The following KIAA1217 variants were observed in gnomAD, a reference collection of about 807,000 sequenced individuals.
KIAA1217 encodes KIAA1217, also known as sickle tail protein homolog.
Under a neutral mutation model 163.9 loss-of-function variants are expected in KIAA1217, and 88 were observed. That is an observed-to-expected ratio of 0.54 (90% confidence interval 0.45 to 0.64). The LOEUF (loss-of-function observed/expected upper bound fraction) is 0.64, where lower values mean the gene tolerates loss of function less well. KIAA1217 is among the 30% of genes least tolerant of loss of function. The probability of loss-of-function intolerance (pLI) is 0.00; values close to 1 mark genes in which losing one functional copy is unlikely to be tolerated. For missense variants in KIAA1217, 2,372 were observed against 2,475.0 expected (o/e 0.96, Z 0.88); for synonymous variants, 903 against 923.1 (o/e 0.98, Z 0.39).
intron 2 of KIAA1217, among the ~76,000 whole-genome samples, chr10:24,081,927 C>G (rs2061551173): frequency 2.0e-5 from 3 of 152,016 alleles, no homozygotes; most frequent in Admixed American, 2.0e-4. Context: ...TGCACCCTTA[C>G]CCACCTGGCC....
intron 2 of KIAA1217, among the ~76,000 whole-genome samples, chr10:24,305,284 A>G (rs2041883175): frequency 6.6e-6 from 1 of 152,170 alleles, no homozygotes; most frequent in Non-Finnish European, 1.5e-5. Flanking sequence ...AGATGACTTT[A>G]TTTGGAGAGC....
chr10:23,817,593 T>C (rs1837366585), intron 1 of KIAA1217, among the ~76,000 whole-genome samples: 1 of 152,066 alleles, frequency 6.6e-6, no homozygotes, highest in Non-Finnish European at 1.5e-5. Flanking sequence ...TTTATAACTA[T>C]GAAGAAGACA....
At chr10:23,857,909 A>G (rs1839773528) in intron 1 of KIAA1217, among the ~76,000 whole-genome samples, 1 of 151,978 alleles carries the variant, frequency 6.6e-6, no homozygotes, top group Non-Finnish European at 1.5e-5. Context: ...TGAAAATGCC[A>G]TTTTATTAAG....
At chr10:23,883,150 C>T (rs775632230) in intron 1 of KIAA1217, among the ~76,000 whole-genome samples, 1 of 151,792 alleles carries the variant, frequency 6.6e-6, no homozygotes, top group African/African-American at 2.4e-5. Context: ...CAAATAATAC[C>T]GTGCTTTACT....
chr10:23,986,523 G>T (rs1845977929), intron 1 of KIAA1217, among the ~76,000 whole-genome samples: 1 of 152,014 alleles, frequency 6.6e-6, no homozygotes, highest in African/African-American at 2.4e-5. Context: ...TATGTAAATA[G>T]TTATTACACT....
chr10:24,209,695 CAA>C (rs1404661322), intron 1 of KIAA1217, among the ~76,000 whole-genome samples: 2 of 152,138 alleles, frequency 1.3e-5, no homozygotes, highest in Non-Finnish European at 2.9e-5. Flanking sequence ...ATGCTGGCTG[CAA>C]AGTTTGTGCA....
intron 1 of KIAA1217, among the ~76,000 whole-genome samples, chr10:23,989,626 G>A (rs10828583): frequency 0.29 from 43,793 of 151,936 alleles, 6,314 homozygotes; most frequent in Admixed American, 0.33. Context: ...TAAAATACTC[G>A]ATATTCCAAG....
At chr10:23,835,393 G>A (rs1016221774) in intron 1 of KIAA1217, among the ~76,000 whole-genome samples, 2 of 152,116 alleles carry the variant, frequency 1.3e-5, no homozygotes, top group Middle Eastern at 3.4e-3. Flanking sequence ...TGAGAAGGGG[G>A]AACCCTCCTC....
At chr10:23,957,716 C>T (rs570731525) in intron 1 of KIAA1217, among the ~76,000 whole-genome samples, 59 of 152,214 alleles carry the variant, frequency 3.9e-4, no homozygotes, top group Admixed American at 1.9e-3. Flanking sequence ...ACTGAGACTC[C>T]ATCTTGGAAA....
intron 1 of KIAA1217, among the ~76,000 whole-genome samples, chr10:23,966,593 G>A (rs1845077961): frequency 6.6e-6 from 1 of 152,194 alleles, no homozygotes; most frequent in African/African-American, 2.4e-5. Flanking sequence ...GATGTATGAA[G>A]CTTGAGAATA....
chr10:24,309,283 TG>T (rs2042373792), intron 2 of KIAA1217, among the ~76,000 whole-genome samples: 1 of 151,438 alleles, frequency 6.6e-6, no homozygotes, highest in Non-Finnish European at 1.5e-5. Context: ...GGTATGAGGA[TG>T]GGGTCTTTCA....
chr10:24,329,761 C>T (rs2045418574), intron 2 of KIAA1217, among the ~76,000 whole-genome samples: 2 of 152,132 alleles, frequency 1.3e-5, no homozygotes, highest in African/African-American at 4.8e-5. Context: ...GAGTAGTTAT[C>T]ATTGGTTCTT....
chr10:24,415,012 A>G (rs1486850979), intron 3 of KIAA1217, among the ~76,000 whole-genome samples: 1 of 152,030 alleles, frequency 6.6e-6, no homozygotes, highest in Non-Finnish European at 1.5e-5. Flanking sequence ...TTGGAGATTT[A>G]AGTCATGGGA....
intron 2 of KIAA1217, among the ~76,000 whole-genome samples, chr10:24,200,591 C>G (rs535142192): frequency 1.3e-5 from 2 of 152,340 alleles, no homozygotes; most frequent in East Asian, 3.9e-4. Context: ...GTTTCAGCAC[C>G]AGGCCACACC....
chr10:24,007,346 C>T (rs776411180), exon 2 of KIAA1217: 2 of 152,140 alleles, frequency 1.3e-5, no homozygotes, highest in Non-Finnish European at 2.9e-5. Context: ...TCCATGGAGT[C>T]TTCCTCCTCC....
intron 2 of KIAA1217, among the ~76,000 whole-genome samples, chr10:24,054,955 G>T (rs756162160): frequency 2.0e-4 from 30 of 152,140 alleles, no homozygotes; most frequent in Non-Finnish European, 4.1e-4. Context: ...TGCAGCACAT[G>T]ACTATACTCC....
intron 1 of KIAA1217, among the ~76,000 whole-genome samples, chr10:23,852,564 A>G (rs548916621): frequency 1.3e-5 from 2 of 152,330 alleles, no homozygotes; most frequent in East Asian, 3.9e-4. Context: ...AGCCATTGGT[A>G]GCTTGATGGG....
At chr10:24,106,006 A>C (rs1352828464) in intron 2 of KIAA1217, among the ~76,000 whole-genome samples, 1 of 151,168 alleles carries the variant, frequency 6.6e-6, no homozygotes, top group African/African-American at 2.5e-5. Flanking sequence ...GTTGGAGACC[A>C]ATTCTAAGCA....
intron 2 of KIAA1217, among the ~76,000 whole-genome samples, chr10:24,223,264 A>T (rs1438106319): frequency 1.3e-5 from 2 of 152,146 alleles, no homozygotes; most frequent in Non-Finnish European, 2.9e-5. Context: ...CGCCCCTAAC[A>T]CTGTCATTGC....
Sources: allele counts gnomAD v4.1 joint callset (sites outside exome capture counted in the v4.1 genomes callset), GRCh38; gene constraint gnomAD v4.1.1; transcripts MANE v1.5; gene names NCBI Gene and HGNC (gene_info 2026-07-23, HGNC 2026-07-21).